Variants in OOEP observed in about 807,000 individuals in gnomAD.
The protein encoded by OOEP is oocyte-expressed protein homolog.
A neutral mutation model predicts 13.7 loss-of-function variants in OOEP; 16 were observed. The ratio of observed to expected loss-of-function variants is 1.16; its 90% CI spans 0.79 to 1.77. The LOEUF (loss-of-function observed/expected upper bound fraction) is 1.77, where lower values mean the gene tolerates loss of function less well. Among genes scored for constraint, OOEP ranks in the 40% most tolerant of loss-of-function variants. The pLI is 0.00. For synonymous variants in OOEP, 89 were observed against 77.1 expected (o/e 1.15, Z -0.81); for missense variants, 195 against 193.1 (o/e 1.01, Z -0.06).
upstream of OOEP, among the ~76,000 whole-genome samples, chr6:73,370,577 C>T (rs1769034103): frequency 6.6e-6 from 1 of 152,194 alleles, no homozygotes; most frequent in African/African-American, 2.4e-5. Flanking sequence ...ATTTGCCTCA[C>T]TCCTCTGTTT....
At position 73,387,177 on chromosome 6, in the gene OOEP, G is replaced by C. The variant is rs1351436965; in HGVS notation, c.25+7169C>G. ...AGTGGTTTTAAAAATTAGTAAGTCA[G>C]AGTCCATCAAAATTCAAAACTTTGG... is the stretch of plus-strand genomic sequence containing the variant. On this transcript the variant is annotated intron_variant, in intron 2 of 3. Transcript: ENST00000370363. Among the ~76,000 whole-genome samples the C allele has an allele frequency of 5.3e-5, 8 of 151,730 alleles. No individual in the cohort carries two copies. In the East Asian group the frequency reaches 1.6e-3, roughly 29 times the overall value.
At chr6:73,378,982 A>G (rs1769167373) in intron 2 of OOEP, among the ~76,000 whole-genome samples, 1 of 152,150 alleles carries the variant, frequency 6.6e-6, no homozygotes, top group South Asian at 2.1e-4. Flanking sequence ...TTCAATGACT[A>G]TAACTCACGT....
chr6:73,394,280 G>T, intron 2 of OOEP: 1 of 712,162 alleles, frequency 1.4e-6, no homozygotes, highest in East Asian at 2.7e-5. Context: ...GATAAATGCT[G>T]TTTTGTCAAT....
chr6:73,394,872 G>C (rs776751144), exon 1 of OOEP: 4 of 1,608,498 alleles, frequency 2.5e-6, no homozygotes, highest in Admixed American at 1.7e-5. Context: ...AGAGCTGGAC[G>C]GCAACGACGT....
chr6:73,390,550 A>C (rs1582630880), intron 2 of OOEP, among the ~76,000 whole-genome samples: 1 of 147,434 alleles, frequency 6.8e-6, no homozygotes, highest in East Asian at 2.0e-4. Flanking sequence ...TTTTATTTTT[A>C]TGAGGTTTGA....
chr6:73,394,776 G>GGGGCTAGCCTCGTGC (rs1554234361), exon 1 of OOEP: 25 of 1,354,426 alleles, frequency 1.8e-5, no homozygotes, highest in Non-Finnish European at 2.3e-5. Flanking sequence ...CGTGGGCGGG[G>GGGGCTAGCCTCGTGC]GGGCTAGCCT....
chr6:73,394,823 C>A (rs1769426322), exon 1 of OOEP: 1 of 1,552,830 alleles, frequency 6.4e-7, no homozygotes, highest in Admixed American at 1.9e-5. Context: ...CGTGGCTTCC[C>A]TGGCACGCTA....
chr6:73,369,140 A>C, intron 2 of OOEP, 66 bp downstream of exon 2: 2 of 1,491,710 alleles, frequency 1.3e-6, no homozygotes, highest in South Asian at 2.5e-5. Flanking sequence ...GGATGGAAGG[A>C]AACCGAGCAA....
chr6:73,394,863 G>A (rs772771709), exon 1 of OOEP: 2 of 1,604,584 alleles, frequency 1.2e-6, no homozygotes, highest in African/African-American at 1.3e-5. Flanking sequence ...AGGTGGTGCA[G>A]AGCTGGACGG....
chr6:73,389,801 A>T lies in OOEP; in HGVS notation c.25+4545T>A, dbSNP rs192747728. 3.3e-5 allele frequency among the ~76,000 whole-genome samples: 5 copies of T among 152,324 alleles called. No individual in the cohort carries two copies. The East Asian group carries it at 9.6e-4, about 29-fold the overall frequency. On this transcript the variant is annotated intron_variant, in intron 2 of 3. Coordinates refer to the OOEP transcript ENST00000370363. Reference sequence around the variant, plus strand: ...CATGGCACATGTATACATATGTAACAAACCTGCACGTTGTGCACATGTACC... The same window carrying T: ...CATGGCACATGTATACATATGTAACTAACCTGCACGTTGTGCACATGTACC...
At chr6:73,375,787 C>T (rs1436129561) in intron 2 of OOEP, among the ~76,000 whole-genome samples, 5 of 117,038 alleles carry the variant, frequency 4.3e-5, no homozygotes, top group Admixed American at 2.5e-4. Flanking sequence ...TCATAATGAT[C>T]TCCCTTTTTT....
Position 73,369,758 on chromosome 6 carries a change from C to A in OOEP, c.35G>T (p.Arg12Leu). 4 of 1,613,938 alleles carry A rather than the reference C, an allele frequency of 2.5e-6. No homozygotes were observed. The highest frequency in any genetic ancestry group is 3.4e-6 in the Non-Finnish European group (4 of 1,179,860). ...GGAGTGGGCCGGAGTCTGTTTGCCC[C>A]GCTGGGACTCAGCGGCACCAGCATC... ...VDDAGAAESQ[R>L]GKQTPAHSLE... Residue 12 changes from arginine to leucine, a missense_variant, in exon 1 of 3, where the codon CGG (arginine) becomes CTG (leucine). Arg to Leu is a moderately radical substitution (Grantham distance 102, BLOSUM62 -2). Coordinates refer to ENST00000370359, the MANE Select transcript of OOEP (RefSeq NM_001080507.3).
intron 2 of OOEP, among the ~76,000 whole-genome samples, chr6:73,376,479 T>TTATG (rs1487457533): frequency 6.6e-6 from 1 of 150,976 alleles, no homozygotes; most frequent in Non-Finnish European, 1.5e-5. Flanking sequence ...ATGATTTTAT[T>TTATG]TATTTATTTA....
At chr6:73,387,226 C>T (rs1471324822) in intron 2 of OOEP, among the ~76,000 whole-genome samples, 1 of 151,372 alleles carries the variant, frequency 6.6e-6, no homozygotes, top group East Asian at 2.0e-4. Flanking sequence ...GCAAAAATAA[C>T]CACCAGGCAT....
At chr6:73,383,593 C>T (rs529439079) in intron 2 of OOEP, among the ~76,000 whole-genome samples, 1 of 151,936 alleles carries the variant, frequency 6.6e-6, no homozygotes, top group South Asian at 2.1e-4. Context: ...CGAGATTGCG[C>T]CACTGCACTC....
intron 2 of OOEP, among the ~76,000 whole-genome samples, chr6:73,384,778 C>G (rs1769247523): frequency 6.6e-6 from 1 of 150,576 alleles, no homozygotes; most frequent in African/African-American, 2.4e-5. Flanking sequence ...GCTCTGTCAA[C>G]CAGGCTGAAG....
At chr6:73,376,570 TCA>T (rs1769143032) in intron 2 of OOEP, among the ~76,000 whole-genome samples, 1 of 152,046 alleles carries the variant, frequency 6.6e-6, no homozygotes, top group South Asian at 2.1e-4. Flanking sequence ...CCTCCCGAGT[TCA>T]AGCAATTCTC....
Position 73,369,739 on chromosome 6 carries a change from G to C in OOEP, c.54C>G (p.Ala18=), listed in dbSNP as rs58249304. The C allele has an allele frequency of 1.9e-6, 3 of 1,613,906 alleles. No individual in the cohort carries two copies. In the South Asian group the frequency reaches 3.3e-5, roughly 18 times the overall value. The change falls in exon 1 of 3, where the codon GCC becomes GCG. Residue 18 remains alanine (A), a synonymous_variant. Coordinates refer to ENST00000370359, the MANE Select transcript of OOEP (RefSeq NM_001080507.3). Reference sequence around the variant, plus strand: ...ACCTACGCAGCTGCTCCAGGGAGTGGGCCGGAGTCTGTTTGCCCCGCTGGG... The same window carrying C: ...ACCTACGCAGCTGCTCCAGGGAGTGCGCCGGAGTCTGTTTGCCCCGCTGGG... ...AESQRGKQTP[A]HSLEQLRRLP... is the part of the protein sequence containing the mutation.
chr6:73,389,501 T>C (rs1331506341), intron 2 of OOEP, among the ~76,000 whole-genome samples: 1 of 152,066 alleles, frequency 6.6e-6, no homozygotes, highest in Admixed American at 6.6e-5. Flanking sequence ...CTAACCAAGT[T>C]GGGATTTAGG....
Sources: allele counts gnomAD v4.1 joint callset (sites outside exome capture counted in the v4.1 genomes callset), GRCh38; gene constraint gnomAD v4.1.1; transcripts MANE v1.5; gene names NCBI Gene and HGNC (gene_info 2026-07-23, HGNC 2026-07-21).